The following SCHIP1 variants were observed in gnomAD, a reference collection of about 807,000 sequenced individuals.
SCHIP1 encodes schwannomin interacting protein 1.
In SCHIP1, 8 loss-of-function variants were observed where a neutral mutation model predicts 29.7. The ratio of observed to expected loss-of-function variants is 0.27; its 90% CI spans 0.16 to 0.49. The LOEUF is 0.49. Ranked by LOEUF, SCHIP1 falls within the 20% of genes least tolerant of loss-of-function variation. The pLI, the probability that SCHIP1 is intolerant of heterozygous loss-of-function variation, is 0.99. For synonymous variants in SCHIP1, 76 were observed against 94.9 expected, an observed-to-expected ratio of 0.80 and a Z score of 1.16; for missense variants, 193 against 294.6, an observed-to-expected ratio of 0.66 and a Z score of 2.52.
the SCHIP1 span, among the ~76,000 whole-genome samples, chr3:159,514,959 A>G: frequency 3.3e-5 from 5 of 151,896 alleles, no homozygotes; most frequent in Non-Finnish European, 7.3e-5. Context: ...GAGCTACCCT[A>G]GACTCCTTTT....
At chr3:159,839,952 G>A in exon 1 of SCHIP1, 8 of 1,417,968 alleles carry the variant, frequency 5.6e-6, no homozygotes, top group Non-Finnish European at 7.3e-6. Context: ...TCCTAAGCCT[G>A]CCTCACTGGT....
At chr3:159,477,128 C>T in the SCHIP1 span, among the ~76,000 whole-genome samples, 1 of 152,126 alleles carries the variant, frequency 6.6e-6, no homozygotes, top group African/African-American at 2.4e-5. Flanking sequence ...GAATTTTCTC[C>T]TTTGTTAAGG....
the SCHIP1 span, among the ~76,000 whole-genome samples, chr3:159,302,768 C>A: frequency 6.6e-6 from 1 of 152,158 alleles, no homozygotes; most frequent in Non-Finnish European, 1.5e-5. Context: ...GTGATCCAAC[C>A]ATCCCAGTTT....
At chr3:159,718,257 A>T in the SCHIP1 span, among the ~76,000 whole-genome samples, 1 of 152,224 alleles carries the variant, frequency 6.6e-6, no homozygotes, top group Non-Finnish European at 1.5e-5. Flanking sequence ...TATTTATGAC[A>T]AATCCACAGC....
At chr3:159,338,327 C>G in the SCHIP1 span, among the ~76,000 whole-genome samples, 1 of 152,064 alleles carries the variant, frequency 6.6e-6, no homozygotes, top group East Asian at 1.9e-4. Flanking sequence ...GATGTCAAAC[C>G]CTGCAGAAAC....
chr3:159,438,633 G>A, the SCHIP1 span, among the ~76,000 whole-genome samples: 18 of 152,066 alleles, frequency 1.2e-4, no homozygotes, highest in Admixed American at 5.9e-4. Context: ...TGATGTTCTC[G>A]TTCCTTCTAC....
chr3:159,704,000 C>T, the SCHIP1 span, among the ~76,000 whole-genome samples: 3 of 152,164 alleles, frequency 2.0e-5, no homozygotes, highest in Admixed American at 1.3e-4. Context: ...CTTAAAGACT[C>T]TTTAAAGTAA....
the SCHIP1 span, among the ~76,000 whole-genome samples, chr3:159,436,143 T>A: frequency 6.6e-6 from 1 of 152,180 alleles, no homozygotes; most frequent in East Asian, 1.9e-4. Flanking sequence ...AGTGATTTAA[T>A]CAGCATTGGT....
At chr3:159,785,178 C>G in the SCHIP1 span, among the ~76,000 whole-genome samples, 1 of 152,102 alleles carries the variant, frequency 6.6e-6, no homozygotes, top group Non-Finnish European at 1.5e-5. Flanking sequence ...AGCCACTTTT[C>G]TCCGTTAGTA....
At chr3:159,477,606 G>A in the SCHIP1 span, among the ~76,000 whole-genome samples, 6 of 152,222 alleles carry the variant, frequency 3.9e-5, no homozygotes, top group African/African-American at 1.4e-4. Flanking sequence ...GTCTGTTCAA[G>A]TCCTTTGCCC....
the SCHIP1 span, among the ~76,000 whole-genome samples, chr3:159,560,621 A>G: frequency 6.6e-6 from 1 of 151,804 alleles, no homozygotes; most frequent in Admixed American, 6.6e-5. Flanking sequence ...GCATCATTTC[A>G]TGTTTTATTC....
At chr3:159,839,413 A>G (rs1393682258), upstream of SCHIP1, among the ~76,000 whole-genome samples, 2 of 152,044 alleles carry the variant, frequency 1.3e-5, no homozygotes, top group Admixed American at 6.5e-5. Context: ...TCTTATTTCT[A>G]TTTGACTTAA....
chr3:159,770,007 G>A, the SCHIP1 span, among the ~76,000 whole-genome samples: 1 of 152,176 alleles, frequency 6.6e-6, no homozygotes, highest in Non-Finnish European at 1.5e-5. Context: ...CTATGTTATA[G>A]ATTAGTTTAT....
the SCHIP1 span, among the ~76,000 whole-genome samples, chr3:159,500,008 TC>T: frequency 2.6e-5 from 4 of 151,792 alleles, no homozygotes; most frequent in Non-Finnish European, 1.5e-5. Context: ...TAAAAGTGAC[TC>T]CCGGAGAAGG....
At chr3:159,389,079 C>CGT in the SCHIP1 span, among the ~76,000 whole-genome samples, 1 of 151,274 alleles carries the variant, frequency 6.6e-6, no homozygotes, top group East Asian at 1.9e-4. Context: ...TGTGGGTGGG[C>CGT]GTGTGTGTGT....
the SCHIP1 span, among the ~76,000 whole-genome samples, chr3:159,353,210 C>G: frequency 6.6e-6 from 1 of 151,840 alleles, no homozygotes; most frequent in Non-Finnish European, 1.5e-5. Flanking sequence ...ATACCTAATG[C>G]TAAATGATGA....
the SCHIP1 span, among the ~76,000 whole-genome samples, chr3:159,468,772 TATATA>T: frequency 1.6e-5 from 2 of 128,088 alleles, no homozygotes; most frequent in African/African-American, 3.2e-5. Context: ...TATATATATA[TATATA>T]TTTTTTTTAG....
At chr3:159,750,237 A>G in the SCHIP1 span, among the ~76,000 whole-genome samples, 2 of 137,128 alleles carry the variant, frequency 1.5e-5, no homozygotes, top group Non-Finnish European at 3.1e-5. Context: ...AAAAAGCCAA[A>G]TATATATAGG....
chr3:159,359,322 A>C, the SCHIP1 span, among the ~76,000 whole-genome samples: 1 of 152,192 alleles, frequency 6.6e-6, no homozygotes, highest in Non-Finnish European at 1.5e-5. Flanking sequence ...TTAATTTTTC[A>C]TAAAAGAAGT....
Sources: allele counts gnomAD v4.1 joint callset (sites outside exome capture counted in the v4.1 genomes callset), GRCh38; gene constraint gnomAD v4.1.1; transcripts MANE v1.5; gene names NCBI Gene and HGNC (gene_info 2026-07-23, HGNC 2026-07-21).